GRID2: variants seen among roughly 807,000 people sequenced by gnomAD.
The protein encoded by GRID2 is glutamate receptor ionotropic, delta-2.
Under a neutral mutation model 114.8 loss-of-function variants are expected in GRID2, and 33 were observed. That is an observed-to-expected ratio of 0.29 (90% CI 0.22 to 0.38). The LOEUF (loss-of-function observed/expected upper bound fraction) is 0.38. Ranked by LOEUF, GRID2 falls within the 10% of genes least tolerant of loss-of-function variation. GRID2 has a pLI of 1.00. For synonymous variants in GRID2, 505 were observed against 449.9 expected (o/e 1.12, Z -1.55); for missense variants, 1,184 against 1,257.7 (o/e 0.94, Z 0.89).
Position 92,454,676 on chromosome 4 carries a change from A to T in GRID2, c.89-135455A>T, listed in dbSNP as rs1721114758. Among the ~76,000 whole-genome samples the T allele has an allele frequency of 2.0e-5, 3 of 152,156 alleles. 1 individual carries two copies. The highest frequency in any genetic ancestry group is 2.0e-4 in the Admixed American group (3 of 15,274). ...ACGGTGAAACCCCGCCTCTACCAAAAATACAAAATATTAGCCGGGCGTGTT... is the reference window on the plus strand; with the variant it reads ...ACGGTGAAACCCCGCCTCTACCAAATATACAAAATATTAGCCGGGCGTGTT... On this transcript the variant is annotated intron_variant, in intron 1 of 15. Coordinates refer to ENST00000282020, the MANE Select transcript of GRID2 (RefSeq NM_001510.4).
chr4:93,799,811 GT>G (rs1280288612), intron 1 of GRID2, among the ~76,000 whole-genome samples: 1 of 151,982 alleles, frequency 6.6e-6, no homozygotes, highest in Non-Finnish European at 1.5e-5. Context: ...GCTATGTTTT[GT>G]TTTTGTTTAA....
intron 2 of GRID2, among the ~76,000 whole-genome samples, chr4:92,919,143 G>A (rs981687082): frequency 1.3e-5 from 2 of 152,108 alleles, no homozygotes; most frequent in African/African-American, 4.8e-5. Flanking sequence ...TTGTGTAGAG[G>A]TGTTTATACT....
At chr4:93,651,586 A>G (rs142900918) in intron 14 of GRID2, among the ~76,000 whole-genome samples, 21 of 152,252 alleles carry the variant, frequency 1.4e-4, no homozygotes, top group Admixed American at 1.2e-3. Flanking sequence ...GCCTATTTTG[A>G]TGCAGTCACA....
At chr4:93,743,726 G>C (rs187830604) in intron 14 of GRID2, among the ~76,000 whole-genome samples, 2 of 152,256 alleles carry the variant, frequency 1.3e-5, no homozygotes, top group African/African-American at 4.8e-5. Context: ...TATTCATGAG[G>C]AATCTGTCAA....
rs189771561 is a variant in GRID2 at position 93,306,820 on chromosome 4, C to A, written c.1245+68330C>A. ...TCTTGCATTCTTTTGTGATTGTTTC[C>A]AAACCAATGACTTCTTGGTAACTAT... On this transcript the variant is annotated intron_variant, in intron 8 of 15. Coordinates refer to ENST00000282020, the MANE Select transcript of GRID2 (RefSeq NM_001510.4). 7.9e-5 allele frequency among the ~76,000 whole-genome samples: 12 copies of A among 152,210 alleles called. 1 individual carries two copies. Among genetic ancestry groups the A allele is most frequent in the African/African-American group, 2.9e-4 (12 of 41,534 alleles).
intron 14 of GRID2, among the ~76,000 whole-genome samples, chr4:93,762,774 GT>G (rs930985740): frequency 1.3e-5 from 2 of 152,090 alleles, no homozygotes; most frequent in African/African-American, 4.8e-5. Flanking sequence ...AAAAGCACAG[GT>G]TCAATAATCA....
At chr4:92,948,849 C>T (rs375211613) in intron 2 of GRID2, among the ~76,000 whole-genome samples, 1 of 151,864 alleles carries the variant, frequency 6.6e-6, no homozygotes, top group Non-Finnish European at 1.5e-5. Flanking sequence ...CAGATTTATT[C>T]TTTCACTTAT....
intron 2 of GRID2, among the ~76,000 whole-genome samples, chr4:93,053,834 CAACA>C (rs1199781356): frequency 6.6e-6 from 1 of 151,856 alleles, no homozygotes; most frequent in Non-Finnish European, 1.5e-5. Context: ...GATGCTTACA[CAACA>C]AACACATGGA....
At chr4:92,668,027 T>C (rs1301684260) in intron 2 of GRID2, among the ~76,000 whole-genome samples, 1 of 151,802 alleles carries the variant, frequency 6.6e-6, no homozygotes, top group Admixed American at 6.6e-5. Context: ...GCAGAAATGC[T>C]GTCCTTATCC....
At chr4:92,535,313 A>T (rs953251205) in intron 1 of GRID2, among the ~76,000 whole-genome samples, 2 of 152,180 alleles carry the variant, frequency 1.3e-5, no homozygotes, top group Admixed American at 6.5e-5. Flanking sequence ...ATTCCAAAAT[A>T]TTTCAACTTT....
intron 1 of GRID2, among the ~76,000 whole-genome samples, chr4:92,377,845 C>A (rs1729428134): frequency 6.6e-6 from 1 of 152,070 alleles, no homozygotes; most frequent in Non-Finnish European, 1.5e-5. Context: ...AAAGACCTTT[C>A]CCTGTGATTC....
intron 1 of GRID2, among the ~76,000 whole-genome samples, chr4:92,342,045 TTTA>T (rs1412266980): frequency 6.6e-6 from 1 of 152,170 alleles, no homozygotes; most frequent in Non-Finnish European, 1.5e-5. Flanking sequence ...TTAAAAAATA[TTTA>T]TTATTGTACT....
At chr4:92,578,469 G>A (rs968839613) in intron 1 of GRID2, among the ~76,000 whole-genome samples, 5 of 151,746 alleles carry the variant, frequency 3.3e-5, no homozygotes, top group Non-Finnish European at 5.9e-5. Flanking sequence ...ATTTAAAATG[G>A]AATTATTAAA....
intron 8 of GRID2, among the ~76,000 whole-genome samples, chr4:93,376,364 A>G (rs1230643784): frequency 6.6e-6 from 1 of 152,186 alleles, no homozygotes; most frequent in Non-Finnish European, 1.5e-5. Flanking sequence ...AGATTTACCA[A>G]TTTGCAAATA....
At chr4:93,538,941 G>A (rs1476100545) in intron 13 of GRID2, among the ~76,000 whole-genome samples, 1 of 151,730 alleles carries the variant, frequency 6.6e-6, no homozygotes, top group African/African-American at 2.4e-5. Context: ...TAATAGTAAT[G>A]TCCCATTGAT....
At chr4:93,152,766 G>A (rs1736847201) in intron 4 of GRID2, among the ~76,000 whole-genome samples, 2 of 152,032 alleles carry the variant, frequency 1.3e-5, no homozygotes, top group Non-Finnish European at 2.9e-5. Context: ...TTTAGGAAAT[G>A]TTTTAGATAT....
downstream of GRID2, among the ~76,000 whole-genome samples, chr4:93,777,193 A>G (rs1250332840): frequency 6.6e-6 from 1 of 152,230 alleles, no homozygotes; most frequent in Non-Finnish European, 1.5e-5. Context: ...AGCTGCACAG[A>G]GGCATGGAAC....
exon 2 of GRID2, chr4:93,809,203 C>A (rs936271058): frequency 1.3e-5 from 2 of 152,244 alleles, no homozygotes; most frequent in Admixed American, 6.5e-5. Context: ...CCCACTTGAC[C>A]AAGCTTAGCC....
intron 2 of GRID2, among the ~76,000 whole-genome samples, chr4:92,927,172 G>C (rs1040261215): frequency 6.6e-6 from 1 of 151,816 alleles, no homozygotes; most frequent in Admixed American, 6.6e-5. Context: ...GTATCAACAT[G>C]TTCCCAGCAC....
Sources: allele counts gnomAD v4.1 joint callset (sites outside exome capture counted in the v4.1 genomes callset), GRCh38; gene constraint gnomAD v4.1.1; transcripts MANE v1.5; gene names NCBI Gene and HGNC (gene_info 2026-07-23, HGNC 2026-07-21).